NOMO3: variants seen among roughly 807,000 people sequenced by gnomAD.
NOMO3 encodes BOS complex subunit NOMO3.
A neutral mutation model predicts 69.9 loss-of-function variants in NOMO3; 15 were observed. That is an observed-to-expected ratio of 0.21 (90% CI 0.14 to 0.33). The LOEUF is 0.33. NOMO3 is among the 10% of genes least tolerant of loss of function. The pLI, the probability that NOMO3 is intolerant of heterozygous loss-of-function variation, is 1.00. For synonymous variants in NOMO3, 89 were observed against 301.9 expected (o/e 0.29, Z 7.31); for missense variants, 218 against 761.0 (o/e 0.29, Z 8.39).
rs1427762247 is a variant in NOMO3 at position 16,232,695 on chromosome 16, TG to T, written c.33del (p.Ala13ArgfsTer11). The T allele has an allele frequency of 1.2e-6, 1 of 842,968 alleles. No homozygotes were observed. The highest frequency in any genetic ancestry group is 2.0e-5 in the African/African-American group (1 of 48,892). The allele number at this position is 842,968 out of a possible 1,614,324, so 52.2% of individuals were successfully genotyped here. A position where few individuals can be genotyped will look rare whatever the true frequency, so the allele number is the denominator to read the frequency against. On this transcript the variant is annotated frameshift_variant, in exon 1 of 31. Coordinates refer to ENST00000399336, the MANE Select transcript of NOMO3 (RefSeq NM_001004067.4). LOFTEE classifies it high-confidence loss of function. MLVGQGAGP[L>X]GPAVVTAAVV... ...CTGGTGGGCCAGGGCGCGGGGCCGC[TG>T]GGGCCCGCGGTGGTCACCGCCGCGG... is the stretch of plus-strand genomic sequence containing the variant.
intron 1 of NOMO3, among the ~76,000 whole-genome samples, chr16:16,235,583 C>G (rs1488262595): frequency 2.1e-5 from 3 of 145,792 alleles, no homozygotes; most frequent in Non-Finnish European, 4.4e-5. Context: ...GTGGCACCAT[C>G]ATAGCTCACC....
chr16:16,265,220 T>G (rs57128685), intron 15 of NOMO3, 41 bp downstream of exon 15: 2 of 1,585,336 alleles, frequency 1.3e-6, no homozygotes, highest in African/African-American at 1.6e-5. Context: ...GAAAAGCGCT[T>G]GCCTTGTGGA....
chr16:16,237,163 C>T lies in NOMO3; in HGVS notation c.255+173C>T, dbSNP rs1400523520. 2.8e-5 allele frequency among the ~76,000 whole-genome samples: 4 copies of T among 144,894 alleles called. 1 individual carries two copies. The highest frequency in any genetic ancestry group is 5.5e-5 in the African/African-American group (2 of 36,248). ...GGAGACAACTTACAAACTGCCTTGA[C>T]GAATACAGTGGCTCTCTCTGTGTTT... On this transcript the variant is annotated intron_variant, in intron 2 of 30. Coordinates refer to ENST00000399336, the MANE Select transcript of NOMO3 (RefSeq NM_001004067.4).
intron 2 of NOMO3, among the ~76,000 whole-genome samples, chr16:16,238,516 A>T (rs2049349068): frequency 7.0e-6 from 1 of 143,224 alleles, no homozygotes; most frequent in Non-Finnish European, 1.5e-5. Context: ...GATTACAGGC[A>T]TGAGCCACCA....
rs79462101 is a variant in NOMO3, at chr16:16,258,866, A to G, written c.1221-2636A>G. ...GGCGACAGGGTGAGATTCCGTCTCA[A>G]AAAAAAAAAAAAGAGTTATCAGTTG... On this transcript the variant is annotated intron_variant, in intron 11 of 30. Transcript: ENST00000399336. Among the ~76,000 whole-genome samples, 3 of 138,906 alleles carry G rather than the reference A, an allele frequency of 2.2e-5. 1 individual carries two copies. Among genetic ancestry groups the G allele is most frequent in the African/African-American group, 5.9e-5 (2 of 33,790 alleles). The allele number at this position is 138,906 out of a possible 152,430, so 91.1% of individuals were successfully genotyped here. A position where few individuals can be genotyped will look rare whatever the true frequency, so the allele number is the denominator to read the frequency against.
At chr16:16,274,260 TGGA>T (rs1448617204) in intron 20 of NOMO3, among the ~76,000 whole-genome samples, 185 bp downstream of exon 20, 2 of 8,956 alleles carry the variant, frequency 2.2e-4, no homozygotes, top group Non-Finnish European at 1.2e-3. Flanking sequence ...ATGGTTGGGT[TGGA>T]TGGATGGATG....
intron 8 of NOMO3, 151 bp from the exon 9 acceptor site, chr16:16,252,282 G>T: frequency 2.0e-6 from 3 of 1,502,244 alleles, no homozygotes; most frequent in Non-Finnish European, 2.7e-6. Flanking sequence ...AAAGGGCAAG[G>T]CTTCCTCTTT....
intron 5 of NOMO3, among the ~76,000 whole-genome samples, chr16:16,245,608 A>G (rs2049410535): frequency 7.4e-6 from 1 of 134,568 alleles, no homozygotes; most frequent in Non-Finnish European, 1.5e-5. Flanking sequence ...CTGTGGTTGC[A>G]GCTACTCGGG....
At position 16,232,528 on chromosome 16, in the gene NOMO3, G is replaced by A. The variant is rs1567557548; in HGVS notation, c.-139G>A. The A allele has an allele frequency of 1.6e-5, 19 of 1,221,364 alleles. No individual in the cohort carries two copies. The highest frequency in any genetic ancestry group is 1.9e-5 in the Non-Finnish European group (18 of 970,326). The allele number at this position is 1,221,364 out of a possible 1,614,324, so 75.7% of individuals were successfully genotyped here. On this transcript the variant is annotated 5_prime_UTR_variant, in exon 1 of 31. Transcript: ENST00000399336. ...GTGACCGTGGGGTCGAAGCGCGCGTGCGCGGCGGCGGCTGGCGGCGGCGGT... is the reference window on the plus strand; with the variant it reads ...GTGACCGTGGGGTCGAAGCGCGCGTACGCGGCGGCGGCTGGCGGCGGCGGT...
At chr16:16,265,670 AT>A (rs59243746) in intron 15 of NOMO3, among the ~76,000 whole-genome samples, 59 of 16,654 alleles carry the variant, frequency 3.5e-3, no homozygotes, top group Non-Finnish European at 4.2e-3. Flanking sequence ...ATATATATAT[AT>A]TTTTTTTTTT....
At chr16:16,269,406 A>C (rs2049644377) in intron 16 of NOMO3, among the ~76,000 whole-genome samples, 1 of 142,710 alleles carries the variant, frequency 7.0e-6, no homozygotes, top group African/African-American at 2.9e-5. Context: ...TGAAAGACCA[A>C]ACAAAACAAA....
At chr16:16,265,882 C>G (rs2141261110) in intron 15 of NOMO3, among the ~76,000 whole-genome samples, 1 of 140,454 alleles carries the variant, frequency 7.1e-6, no homozygotes, top group South Asian at 2.2e-4. Context: ...TTGTTAGAGA[C>G]AGAGTTCCAC....
At chr16:16,265,668 A>ATTTTTTTTTTTTTTTTTTTTTTTTT (rs1462635090) in intron 15 of NOMO3, among the ~76,000 whole-genome samples, 1 of 24,904 alleles carries the variant, frequency 4.0e-5, no homozygotes, top group Non-Finnish European at 6.2e-5. Flanking sequence ...ATATATATAT[A>ATTTTTTTTTTTTTTTTTTTTTTTTT]TATTTTTTTT....
chr16:16,256,458 G>A (rs954759936), intron 11 of NOMO3, among the ~76,000 whole-genome samples: 1 of 74,042 alleles, frequency 1.4e-5, no homozygotes, highest in Non-Finnish European at 2.3e-5. Context: ...GTATTTTTTA[G>A]TAGAGACAGG....
chr16:16,237,536 T>A (rs888156384), intron 2 of NOMO3, among the ~76,000 whole-genome samples: 1 of 142,222 alleles, frequency 7.0e-6, no homozygotes, highest in Non-Finnish European at 1.5e-5. Context: ...CTGATAAAGG[T>A]TTTTTTTGTT....
chr16:16,234,759 A>T (rs2049312674), intron 1 of NOMO3, among the ~76,000 whole-genome samples: 1 of 150,730 alleles, frequency 6.6e-6, no homozygotes, highest in Non-Finnish European at 1.5e-5. Flanking sequence ...TGAACAGAAC[A>T]GACAAAACTC....
intron 15 of NOMO3, chr16:16,265,395 C>T: frequency 3.4e-6 from 2 of 595,664 alleles, no homozygotes; most frequent in Non-Finnish European, 5.7e-6. Flanking sequence ...TGTCCTGGCC[C>T]TACACTAAAT....
In NOMO3 at chr16:16,265,172, T is replaced by G; in HGVS notation, c.1799T>G (p.Ile600Ser). Residue 600 changes from isoleucine to serine, a missense_variant, in exon 15 of 31, where the codon ATC becomes AGC. Ile to Ser is a moderately radical substitution (Grantham distance 142). Coordinates refer to ENST00000399336, the MANE Select transcript of NOMO3 (RefSeq NM_001004067.4). The part of the protein sequence containing the change: ...YMLRCSLSHA[I>S]TLEFYQDGNG... The stretch of plus-strand genomic sequence containing the variant: ...CTGAGATGTTCCCTGTCTCACGCCA[T>G]CACTCTGGTATGTACGGCTTATGGA... 6.3e-7 allele frequency: 1 copy of G among 1,587,344 alleles called. No homozygotes were observed. The highest frequency in any genetic ancestry group is 8.5e-7 in the Non-Finnish European group (1 of 1,177,656).
chr16:16,239,199 G>T lies in NOMO3; in HGVS notation c.256-652G>T, dbSNP rs932192031. ...AGGATCCCCTTCCGCTGCCCATGCT[G>T]GAGTGCAGGGGCACAATTATGGTTC... is the stretch of plus-strand genomic sequence containing the variant. On this transcript the variant is annotated intron_variant, in intron 2 of 30. Transcript: ENST00000399336. 7.6e-5 allele frequency among the ~76,000 whole-genome samples: 11 copies of T among 144,442 alleles called. 1 individual carries two copies. The highest frequency in any genetic ancestry group is 2.7e-4 in the Admixed American group (4 of 14,830). 94.8% of individuals were successfully genotyped at this position (144,442 alleles called of 152,430 possible). A position where few individuals can be genotyped will look rare whatever the true frequency, so the allele number is the denominator to read the frequency against.
Sources: allele counts gnomAD v4.1 joint callset (sites outside exome capture counted in the v4.1 genomes callset), GRCh38; gene constraint gnomAD v4.1.1; transcripts MANE v1.5; gene names NCBI Gene and HGNC (gene_info 2026-07-23, HGNC 2026-07-21).